The following WDR25 variants were observed in gnomAD, a reference collection of about 807,000 sequenced individuals.
WDR25 encodes the protein WD repeat-containing protein 25.
In WDR25, 35 loss-of-function variants were observed where a neutral mutation model predicts 47.7. The observed-to-expected ratio is 0.73, with a 90% CI of 0.56 to 0.97. The LOEUF (loss-of-function observed/expected upper bound fraction) is 0.97. WDR25 is among the 50% of genes least tolerant of loss of function. WDR25 has a pLI of 0.00. For missense variants in WDR25, 634 were observed against 704.7 expected, an observed-to-expected ratio of 0.90 and a Z score of 1.14; for synonymous variants, 248 against 278.9, an observed-to-expected ratio of 0.89 and a Z score of 1.10.
At chr14:100,388,510 G>T (rs1390705348) in intron 2 of WDR25, among the ~76,000 whole-genome samples, 1 of 152,226 alleles carries the variant, frequency 6.6e-6, no homozygotes, top group African/African-American at 2.4e-5. Context: ...GATTGGGAGT[G>T]TGGGGCTTTA....
intron 2 of WDR25, among the ~76,000 whole-genome samples, chr14:100,390,752 C>T (rs986381094): frequency 6.6e-6 from 1 of 152,152 alleles, no homozygotes; most frequent in African/African-American, 2.4e-5. Context: ...CTGTGCCGCT[C>T]TTTTTGGGGG....
At chr14:100,395,821 C>T (rs921100425) in intron 2 of WDR25, among the ~76,000 whole-genome samples, 5 of 152,128 alleles carry the variant, frequency 3.3e-5, no homozygotes, top group East Asian at 3.9e-4. Flanking sequence ...GGTCCAACTG[C>T]ACTCCCCCAC....
In WDR25 at chr14:100,436,835, C is replaced by T. The variant is rs535617980; in HGVS notation, c.823-31186C>T. On this transcript the variant is annotated intron_variant, in intron 2 of 6. Coordinates refer to ENST00000402312, the MANE Select transcript of WDR25 (RefSeq NM_001161476.3). ...CCCCCTGAGCTGTGGAGGGTACATG[C>T]GCACCCCAGAAGCAAAAGCTCTGGC... Among the ~76,000 whole-genome samples the T allele has an allele frequency of 5.3e-5, 8 of 152,326 alleles. No homozygotes were observed. The South Asian group carries it at 1.4e-3, about 28-fold the overall frequency.
chr14:100,443,031 G>A (rs1898716406), intron 2 of WDR25, among the ~76,000 whole-genome samples: 2 of 152,210 alleles, frequency 1.3e-5, no homozygotes, highest in Admixed American at 6.5e-5. Flanking sequence ...GGCCCCAGGC[G>A]CTCGCACACA....
rs1898220470 is a variant in WDR25 at position 100,428,093 on chromosome 14, C to T, written c.823-39928C>T. Among the ~76,000 whole-genome samples the T allele has an allele frequency of 6.6e-6, 1 of 152,250 alleles. No homozygotes were observed. The highest frequency in any genetic ancestry group is 6.5e-5 in the Admixed American group (1 of 15,290). ...GAAGCCAGGTTCCCTGCAGCAGGGC[C>T]TCATCACAGTTCCCCCTGGAGCATT... On this transcript the variant is annotated intron_variant, in intron 2 of 6. Transcript: ENST00000402312. The surrounding 1 kb of genome is among the most constrained non-coding windows in gnomAD (Gnocchi z 4.3).
intron 4 of WDR25, among the ~76,000 whole-genome samples, chr14:100,492,128 C>T (rs758824532): frequency 6.6e-6 from 1 of 152,218 alleles, no homozygotes; most frequent in Non-Finnish European, 1.5e-5. Context: ...AGTTAGATGG[C>T]GCATGCCCTA....
intron 4 of WDR25, among the ~76,000 whole-genome samples, chr14:100,507,039 T>C (rs1595156919): frequency 6.6e-6 from 1 of 152,182 alleles, no homozygotes; most frequent in African/African-American, 2.4e-5. Flanking sequence ...ATAGGATTCT[T>C]AAAGTTTGAG....
Position 100,525,747 on chromosome 14 carries a change from G to T in WDR25, c.1102-123G>T. Reference sequence around the variant, plus strand: ...TGGCTTGTGGGTGCTGCTCAGCCTGGGTGTGTGTGGCCCAGCATAAACTTC... The same window carrying T: ...TGGCTTGTGGGTGCTGCTCAGCCTGTGTGTGTGTGGCCCAGCATAAACTTC... On this transcript the variant is annotated intron_variant, in intron 4 of 6. Coordinates refer to ENST00000402312, the MANE Select transcript of WDR25 (RefSeq NM_001161476.3). The surrounding 1 kb of genome is among the most constrained non-coding windows in gnomAD (Gnocchi z 4.6). 1 of 1,119,814 alleles carries T rather than the reference G, an allele frequency of 8.9e-7. No homozygotes were observed. Among genetic ancestry groups the T allele is most frequent in the South Asian group, 1.6e-5 (1 of 64,482 alleles). The allele number at this position is 1,119,814 out of a possible 1,614,324, so 69.4% of individuals were successfully genotyped here.
In WDR25 at chr14:100,381,677, C is replaced by T; in HGVS notation, c.753C>T (p.Thr251=). The change falls in exon 2 of 7, where the codon ACC becomes ACT. Residue 251 remains threonine, a synonymous_variant. Transcript: ENST00000402312. ...GAGGCCACAGGGGCCCTGTCAACAC[C>T]ATTCAGTGGTGTCCAGTCCTTTCTA... ...HLRGHRGPVN[T]IQWCPVLSKS... The T allele has an allele frequency of 1.2e-6, 2 of 1,614,218 alleles. No homozygotes were observed. The highest frequency in any genetic ancestry group is 4.5e-5 in the East Asian group (2 of 44,886).
chr14:100,476,319 T>C (rs1789712621), intron 3 of WDR25, among the ~76,000 whole-genome samples: 1 of 152,118 alleles, frequency 6.6e-6, no homozygotes, highest in African/African-American at 2.4e-5. Context: ...ATTTGAAAGT[T>C]AGTAAGTTTC....
chr14:100,524,822 G>A (rs959725548), intron 4 of WDR25, among the ~76,000 whole-genome samples: 41 of 152,276 alleles, frequency 2.7e-4, no homozygotes, highest in African/African-American at 8.9e-4. Flanking sequence ...CAGAGAATGG[G>A]CCTCAACCTC....
chr14:100,477,440 T>C (rs1037377418), intron 3 of WDR25, among the ~76,000 whole-genome samples: 13 of 152,206 alleles, frequency 8.5e-5, no homozygotes, highest in African/African-American at 3.1e-4. Context: ...CTCAGTTTCC[T>C]ATAATAAGCA....
Position 100,433,370 on chromosome 14 carries a change from T to C in WDR25, c.823-34651T>C, listed in dbSNP as rs73347395. ...AGGAGTGTTCCGGGTGATGCTGTGT[T>C]TCTCAGTGCTTCCTACCAGGAGGCA... On this transcript the variant is annotated intron_variant, in intron 2 of 6. Transcript: ENST00000402312. 4.9e-3 allele frequency among the ~76,000 whole-genome samples: 749 copies of C among 152,356 alleles called. 10 individuals are homozygous for C. The highest frequency in any genetic ancestry group is 0.017 in the African/African-American group (704 of 41,590).
intron 4 of WDR25, among the ~76,000 whole-genome samples, chr14:100,524,655 A>G (rs1315516345): frequency 6.6e-6 from 1 of 151,800 alleles, no homozygotes; most frequent in African/African-American, 2.4e-5. Context: ...TCTGTTGCCT[A>G]CCCTCCCCCA....
intron 2 of WDR25, among the ~76,000 whole-genome samples, chr14:100,422,399 G>A (rs577306089): frequency 1.4e-4 from 22 of 152,326 alleles, no homozygotes; most frequent in African/African-American, 5.1e-4. Flanking sequence ...AAGGCAGGCA[G>A]CATCTGTTGA....
At chr14:100,389,165 A>C (rs2140149405) in intron 2 of WDR25, among the ~76,000 whole-genome samples, 1 of 152,348 alleles carries the variant, frequency 6.6e-6, no homozygotes, top group Admixed American at 6.5e-5. Context: ...AATTTTGGGA[A>C]AAAATGCAAG....
At chr14:100,420,632 A>G (rs552836505) in intron 2 of WDR25, among the ~76,000 whole-genome samples, 1 of 152,362 alleles carries the variant, frequency 6.6e-6, no homozygotes, top group East Asian at 1.9e-4. Context: ...AAAATATATT[A>G]AAATCTTCTT....
intron 2 of WDR25, among the ~76,000 whole-genome samples, chr14:100,384,998 T>C (rs758789114): frequency 2.0e-5 from 3 of 152,168 alleles, no homozygotes; most frequent in African/African-American, 4.8e-5. Context: ...AAGTAAACGA[T>C]ATTAGTTGTG....
chr14:100,431,437 C>T (rs112305864), intron 2 of WDR25, among the ~76,000 whole-genome samples: 2,061 of 152,082 alleles, frequency 0.014, 36 homozygotes, highest in African/African-American at 0.043. Context: ...TTTATATATT[C>T]GGAAATAATC....
Sources: allele counts gnomAD v4.1 joint callset (sites outside exome capture counted in the v4.1 genomes callset), GRCh38; gene constraint gnomAD v4.1.1; non-coding constraint Gnocchi (gnomAD v3.1); transcripts MANE v1.5; gene names NCBI Gene and HGNC (gene_info 2026-07-23, HGNC 2026-07-21).